Variants in TM7SF3 observed in about 807,000 individuals in gnomAD.
TM7SF3 encodes seven span transmembrane protein.
TM7SF3 carries 60 observed loss-of-function variants against 65.5 expected under a neutral mutation model. The observed-to-expected ratio is 0.92, with a 90% CI of 0.74 to 1.14. TM7SF3 has a LOEUF of 1.14. Among genes scored for constraint, TM7SF3 ranks in the 50% most tolerant of loss-of-function variants. TM7SF3 has a pLI of 0.00. For synonymous variants in TM7SF3, 264 were observed against 259.6 expected (o/e 1.02, Z -0.16); for missense variants, 623 against 684.8 (o/e 0.91, Z 1.01).
intron 9 of TM7SF3, 89 bp downstream of exon 9, chr12:26,979,695 C>T: frequency 7.0e-7 from 1 of 1,433,294 alleles, no homozygotes; most frequent in East Asian, 2.4e-5. Flanking sequence ...GAAGCACTGA[C>T]ATGCAACACC....
rs1939641966 is a variant in TM7SF3, at chr12:26,977,901, ACCACC to A, written c.1190-1549_1190-1545del. 8.9e-5 allele frequency: 26 copies of A among 291,244 alleles called. No homozygotes were observed. The Admixed American group carries it at 1.2e-3, about 13-fold the overall frequency. The allele number at this position is 291,244 out of a possible 1,614,324, so 18.0% of individuals were successfully genotyped here. A position where few individuals can be genotyped will look rare whatever the true frequency, so the allele number is the denominator to read the frequency against. ...GAGGACTGCCTGAGCCCAGTTTAAG[ACCACC>A]CTAGGCAACAGTGAGACTCTGTCTC... On this transcript the variant is annotated intron_variant, in intron 9 of 11. Transcript: ENST00000343028.
intron 2 of TM7SF3, 103 bp from the exon 3 acceptor site, chr12:26,999,779 A>T (rs1328790778): frequency 8.2e-7 from 1 of 1,223,810 alleles, no homozygotes; most frequent in Non-Finnish European, 1.1e-6. Flanking sequence ...TCCCAAAACA[A>T]ATAGAAAAAA....
intron 5 of TM7SF3, among the ~76,000 whole-genome samples, chr12:26,993,291 C>T (rs1263623143): frequency 6.6e-6 from 1 of 152,138 alleles, no homozygotes; most frequent in Non-Finnish European, 1.5e-5. Flanking sequence ...CTCAGTAATC[C>T]AGAGCAGTCT....
chr12:27,005,673 C>T (rs183915542), intron 1 of TM7SF3, among the ~76,000 whole-genome samples: 1 of 152,020 alleles, frequency 6.6e-6, no homozygotes, highest in African/African-American at 2.4e-5. Context: ...CTTGGAGAAA[C>T]AAAACTTTGG....
intron 1 of TM7SF3, among the ~76,000 whole-genome samples, chr12:27,003,676 T>C (rs1488605157): frequency 6.6e-6 from 1 of 152,170 alleles, no homozygotes; most frequent in Non-Finnish European, 1.5e-5. Flanking sequence ...TCCCCTCTGG[T>C]AGCAGCAATA....
At chr12:26,991,827 C>CTA (rs1293397864) in intron 5 of TM7SF3, among the ~76,000 whole-genome samples, 15 of 152,210 alleles carry the variant, frequency 9.9e-5, no homozygotes, top group African/African-American at 3.4e-4. Context: ...CTCCCCAACT[C>CTA]TACTTTTTTC....
intron 2 of TM7SF3, among the ~76,000 whole-genome samples, chr12:27,000,780 T>C (rs2136436485): frequency 6.6e-6 from 1 of 152,156 alleles, no homozygotes; most frequent in Non-Finnish European, 1.5e-5. Flanking sequence ...CTTTTAAGTG[T>C]TGATATACAG....
At chr12:27,005,270 CACTT>C (rs1300160761) in intron 1 of TM7SF3, among the ~76,000 whole-genome samples, 1 of 152,162 alleles carries the variant, frequency 6.6e-6, no homozygotes, top group Non-Finnish European at 1.5e-5. Context: ...GCATTCAACT[CACTT>C]ACTATCCTGC....
Position 27,003,362 on chromosome 12 carries a change from A to G in TM7SF3, c.120T>C (p.Phe40=). The change falls in exon 2 of 12, where the codon TTT becomes TTC. Residue 40 remains phenylalanine (F), a synonymous_variant. Transcript: ENST00000343028. ...EGLIEFSVGK[F]RYFELNRPFP... is the part of the protein sequence containing the mutation. ...AGGGCCTATTGAGCTCGAAGTATCT[A>G]AATTTCCCCACAGAAAATTCAATAA... is the stretch of plus-strand genomic sequence containing the variant. The G allele has an allele frequency of 4.3e-6, 7 of 1,612,672 alleles. No homozygotes were observed. Among genetic ancestry groups the G allele is most frequent in the Non-Finnish European group, 5.9e-6 (7 of 1,179,666 alleles).
At chr12:26,993,757 T>C (rs1215648550) in intron 5 of TM7SF3, among the ~76,000 whole-genome samples, 2 of 152,232 alleles carry the variant, frequency 1.3e-5, no homozygotes, top group African/African-American at 4.8e-5. Context: ...TTCTTCTACA[T>C]ATATTAGCCA....
intron 2 of TM7SF3, among the ~76,000 whole-genome samples, chr12:27,002,689 G>A (rs1229898990): frequency 6.6e-6 from 1 of 152,154 alleles, no homozygotes; most frequent in Non-Finnish European, 1.5e-5. Context: ...TAAGGCTGAG[G>A]TTGAGGTTAA....
intron 1 of TM7SF3, among the ~76,000 whole-genome samples, chr12:27,008,357 G>A (rs770527805): frequency 2.6e-5 from 4 of 152,010 alleles, no homozygotes; most frequent in South Asian, 2.1e-4. Context: ...CAGTCTGTTC[G>A]AGTCTTTTAC....
At chr12:26,975,905 G>A (rs990012069) in intron 10 of TM7SF3, 11 of 531,760 alleles carry the variant, frequency 2.1e-5, no homozygotes, top group Non-Finnish European at 3.6e-5. Context: ...CCATATGAAG[G>A]AACTTCAACA....
At chr12:26,983,654 G>C in intron 6 of TM7SF3, 1 of 400,956 alleles carries the variant, frequency 2.5e-6, no homozygotes, top group Non-Finnish European at 5.1e-6. Flanking sequence ...TTGGTGTATG[G>C]AGGCTCGCTG....
intron 2 of TM7SF3, among the ~76,000 whole-genome samples, chr12:27,000,513 G>T (rs1383983495): frequency 6.6e-6 from 1 of 152,042 alleles, no homozygotes; most frequent in African/African-American, 2.4e-5. Flanking sequence ...AGGCTAGAGT[G>T]CAGTGGCGCG....
At chr12:26,999,050 C>G (rs1940717892) in intron 3 of TM7SF3, among the ~76,000 whole-genome samples, 1 of 152,210 alleles carries the variant, frequency 6.6e-6, no homozygotes, top group African/African-American at 2.4e-5. Context: ...ACATGTTCTC[C>G]TAGTCACTAC....
At chr12:27,006,134 CTT>C in intron 1 of TM7SF3, among the ~76,000 whole-genome samples, 1 of 135,410 alleles carries the variant, frequency 7.4e-6, no homozygotes, top group African/African-American at 2.8e-5. Context: ...CCTTCTTTTT[CTT>C]TTTCTTTTTT....
At chr12:27,000,636 C>T (rs571478256) in intron 2 of TM7SF3, among the ~76,000 whole-genome samples, 48 of 152,064 alleles carry the variant, frequency 3.2e-4, no homozygotes, top group Admixed American at 2.9e-3. Context: ...ATTTTTTGTA[C>T]TTTTAGTAGA....
rs575103479 is a variant in TM7SF3 at position 26,973,639 on chromosome 12, G to T, written c.*326C>A. On this transcript the variant is annotated 3_prime_UTR_variant, in exon 12 of 12. Transcript: ENST00000343028. ...TTATAAAAAGAAACACCAGTGCTCT[G>T]CAGAAGAATCAGTTTTTAATTTTTT... The T allele has an allele frequency of 4.7e-6, 1 of 213,998 alleles. No individual in the cohort carries two copies. The highest frequency in any genetic ancestry group is 2.3e-5 in the African/African-American group (1 of 43,334). 13.3% of individuals were successfully genotyped at this position (213,998 alleles called of 1,614,324 possible).
Sources: allele counts gnomAD v4.1 joint callset (sites outside exome capture counted in the v4.1 genomes callset), GRCh38; gene constraint gnomAD v4.1.1; transcripts MANE v1.5; gene names NCBI Gene and HGNC (gene_info 2026-07-23, HGNC 2026-07-21).